DNAH9: variants seen among roughly 807,000 people sequenced by gnomAD.
DNAH9 encodes the protein dynein axonemal heavy chain 9.
A neutral mutation model predicts 471.6 loss-of-function variants in DNAH9; 345 were observed. The ratio of observed to expected loss-of-function variants is 0.73; its 90% CI spans 0.67 to 0.80. The LOEUF is 0.80. Among genes scored for constraint, DNAH9 ranks in the 30% least tolerant of loss-of-function variants. DNAH9 has a pLI of 0.00. For synonymous variants in DNAH9, 2,093 were observed against 2,123.6 expected (o/e 0.99, Z 0.40); for missense variants, 5,407 against 5,609.2 (o/e 0.96, Z 1.15).
At chr17:11,802,835 C>T (rs1385836315) in intron 43 of DNAH9, among the ~76,000 whole-genome samples, 1 of 152,144 alleles carries the variant, frequency 6.6e-6, no homozygotes, top group Non-Finnish European at 1.5e-5. Flanking sequence ...TCCCCTACAC[C>T]CTTCCCCAGC....
At chr17:11,607,933 A>G (rs190987875) in intron 1 of DNAH9, among the ~76,000 whole-genome samples, 196 bp from the exon 2 acceptor site, 1 of 152,308 alleles carries the variant, frequency 6.6e-6, no homozygotes, top group Non-Finnish European at 1.5e-5. Flanking sequence ...AAAACTTGTA[A>G]GCAGGCTATT....
At chr17:11,820,213 G>T (rs915850493) in intron 45 of DNAH9, among the ~76,000 whole-genome samples, 1 of 151,562 alleles carries the variant, frequency 6.6e-6, no homozygotes, top group Non-Finnish European at 1.5e-5. Flanking sequence ...TATTTTCATA[G>T]TTTTTTTTCT....
chr17:11,922,801 A>C (rs545717471), intron 61 of DNAH9, among the ~76,000 whole-genome samples: 4 of 152,306 alleles, frequency 2.6e-5, no homozygotes, highest in South Asian at 2.1e-4. Context: ...TCCTGCCCCT[A>C]CTGGCCACAC....
At chr17:11,762,770 G>GGTTTTTTT (rs1967746069) in intron 35 of DNAH9, among the ~76,000 whole-genome samples, 1 of 90,744 alleles carries the variant, frequency 1.1e-5, no homozygotes, top group Non-Finnish European at 2.2e-5. Context: ...TTTTTTTTTT[G>GGTTTTTTT]TTTTTTTTTT....
intron 42 of DNAH9, among the ~76,000 whole-genome samples, chr17:11,795,073 T>TA (rs11404859): frequency 0.57 from 86,866 of 151,668 alleles, 25,661 homozygotes; most frequent in African/African-American, 0.71. Flanking sequence ...TAAAGTATAA[T>TA]AAAAAAATAC....
At chr17:11,657,000 T>C (rs1597443544) in intron 14 of DNAH9, among the ~76,000 whole-genome samples, 1 of 152,242 alleles carries the variant, frequency 6.6e-6, no homozygotes, top group East Asian at 1.9e-4. Flanking sequence ...GGTCTTTGAG[T>C]TATTTCTAGT....
At chr17:11,803,774 G>A (rs779408729) in intron 43 of DNAH9, among the ~76,000 whole-genome samples, 2 of 152,190 alleles carry the variant, frequency 1.3e-5, no homozygotes, top group Admixed American at 1.3e-4. Flanking sequence ...GGGCTGGGGG[G>A]TTGGGTGACC....
rs983560629 is a variant in DNAH9 at position 11,617,316 on chromosome 17, T to C, written c.905-95T>C. The C allele has an allele frequency of 1.4e-5, 11 of 775,014 alleles. No homozygotes were observed. In the African/African-American group the frequency reaches 1.9e-4, roughly 14 times the overall value. The allele number at this position is 775,014 out of a possible 1,614,324, so 48.0% of individuals were successfully genotyped here. On this transcript the variant is annotated intron_variant, in intron 4 of 68. Transcript: ENST00000262442. ...TGGAACCAGCCTTCTCTCTGCTTGT[T>C]GTTTTGCAGGTCTTTTACTTCCCAG...
At position 11,892,982 on chromosome 17, in the gene DNAH9, C is replaced by T. The variant is rs980774121; in HGVS notation, c.11283+1035C>T. Among the ~76,000 whole-genome samples the T allele has an allele frequency of 3.3e-5, 5 of 152,018 alleles. No homozygotes were observed. Among genetic ancestry groups the T allele is most frequent in the Admixed American group, 1.3e-4 (2 of 15,230 alleles). On this transcript the variant is annotated intron_variant, in intron 58 of 68. Transcript: ENST00000262442. This position sits in a 1 kb window ranked among gnomAD's most constrained non-coding sequence, Gnocchi z 4.3. ...GAATCTTCTGATCCGTAGTCAGACA[C>T]GTTATCCATTGCACCACTGGCCCAC...
chr17:11,632,000 A>G (rs2073078004), intron 7 of DNAH9, among the ~76,000 whole-genome samples: 1 of 152,094 alleles, frequency 6.6e-6, no homozygotes, highest in Admixed American at 6.5e-5. Flanking sequence ...ATTCTTGTTT[A>G]CCTGAAATTC....
At chr17:11,941,694 GGATAGATAGATAGATA>G (rs58634740) in intron 66 of DNAH9, among the ~76,000 whole-genome samples, 27,102 of 148,244 alleles carry the variant, frequency 0.18, 2,518 homozygotes, top group East Asian at 0.23. Context: ...GTGGATGACC[GGATAGATAGATAGATA>G]GATAGATAGA....
chr17:11,822,604 G>T lies in DNAH9; in HGVS notation c.9012+5G>T. 6.2e-7 allele frequency: 1 copy of T among 1,613,932 alleles called. No individual in the cohort carries two copies. Among genetic ancestry groups the T allele is most frequent in the Non-Finnish European group, 8.5e-7 (1 of 1,179,896 alleles). ...CAGAACACAGAGGGCATTGAGGTGAGAGAGAAAAGGAGACACTCCTAAAAG... is the reference window on the plus strand; with the variant it reads ...CAGAACACAGAGGGCATTGAGGTGATAGAGAAAAGGAGACACTCCTAAAAG... On this transcript the variant is annotated splice_donor_5th_base_variant and intron_variant, in intron 47 of 68. Coordinates refer to ENST00000262442, the MANE Select transcript of DNAH9 (RefSeq NM_001372.4).
chr17:11,750,523 G>A (rs117081042), intron 32 of DNAH9, among the ~76,000 whole-genome samples: 1,903 of 152,172 alleles, frequency 0.013, 17 homozygotes, highest in Non-Finnish European at 0.019. Context: ...AATTAAAAAT[G>A]TAATTGGCTA....
In DNAH9 at chr17:11,632,577, G is replaced by A; in HGVS notation, c.1519-10G>A. ...TACGTTTTCCTTATATATATATGGT[G>A]TCTCTTCAGGACTTTGAAAATGACG... On this transcript the variant is annotated splice_polypyrimidine_tract_variant and intron_variant, in intron 7 of 68. Coordinates refer to ENST00000262442, the MANE Select transcript of DNAH9 (RefSeq NM_001372.4). The A allele has an allele frequency of 7.3e-7, 1 of 1,361,518 alleles. No individual in the cohort carries two copies. The highest frequency in any genetic ancestry group is 1.1e-6 in the Non-Finnish European group (1 of 950,104). The allele number at this position is 1,361,518 out of a possible 1,614,324, so 84.3% of individuals were successfully genotyped here. A position where few individuals can be genotyped will look rare whatever the true frequency, so the allele number is the denominator to read the frequency against.
intron 60 of DNAH9, among the ~76,000 whole-genome samples, chr17:11,904,630 C>CAAAAA (rs202059757): frequency 0.042 from 4,680 of 110,390 alleles, 199 homozygotes; most frequent in Non-Finnish European, 0.057. Flanking sequence ...GACTCCATCT[C>CAAAAA]AAAAAAAAAA....
chr17:11,722,883 T>A (rs968179279), intron 27 of DNAH9, among the ~76,000 whole-genome samples: 3 of 152,156 alleles, frequency 2.0e-5, no homozygotes, highest in Non-Finnish European at 4.4e-5. Context: ...TGCAGGGACA[T>A]CAAATGGTTC....
At chr17:11,630,970 G>A (rs546862025) in intron 7 of DNAH9, among the ~76,000 whole-genome samples, 1 of 152,038 alleles carries the variant, frequency 6.6e-6, no homozygotes, top group Non-Finnish European at 1.5e-5. Context: ...TTTAAGCTTC[G>A]GGCAAAAACT....
intron 61 of DNAH9, among the ~76,000 whole-genome samples, chr17:11,913,310 ATATT>A (rs1387529914): frequency 5.9e-5 from 9 of 152,178 alleles, no homozygotes; most frequent in Non-Finnish European, 1.0e-4. Context: ...TACTAGTTAT[ATATT>A]TACTCAAAGT....
intron 28 of DNAH9, 79 bp downstream of exon 28, chr17:11,728,001 C>T: frequency 3.4e-6 from 3 of 885,006 alleles, no homozygotes; most frequent in East Asian, 2.5e-5. Context: ...TGTTTTCTAC[C>T]TCTCCTGAGC....
Sources: allele counts gnomAD v4.1 joint callset (sites outside exome capture counted in the v4.1 genomes callset), GRCh38; gene constraint gnomAD v4.1.1; non-coding constraint Gnocchi (gnomAD v3.1); transcripts MANE v1.5; gene names NCBI Gene and HGNC (gene_info 2026-07-23, HGNC 2026-07-21).